LUZP2: variants seen among roughly 807,000 people sequenced by gnomAD.
LUZP2 encodes leucine zipper protein 2.
A neutral mutation model predicts 51.6 loss-of-function variants in LUZP2; 52 were observed. The observed-to-expected ratio is 1.01, with a 90% confidence interval of 0.81 to 1.27. LUZP2 has a LOEUF of 1.27. Among genes scored for constraint, LUZP2 ranks in the 50% most tolerant of loss-of-function variants. The pLI is 0.00. For missense variants in LUZP2, 436 were observed against 395.4 expected, an observed-to-expected ratio of 1.10 and a Z score of -0.87; for synonymous variants, 154 against 137.3, an observed-to-expected ratio of 1.12 and a Z score of -0.85.
At chr11:24,505,939 C>G (rs1205057346) in intron 1 of LUZP2, among the ~76,000 whole-genome samples, 1 of 150,694 alleles carries the variant, frequency 6.6e-6, no homozygotes, top group East Asian at 1.9e-4. Flanking sequence ...ATAATTGTTA[C>G]AATTATATTT....
intron 6 of LUZP2, among the ~76,000 whole-genome samples, chr11:24,909,759 C>T (rs1853568233): frequency 2.6e-5 from 4 of 152,138 alleles, no homozygotes; most frequent in Admixed American, 2.6e-4. Flanking sequence ...GTAAATTGCA[C>T]AGTCTCAGGT....
intron 1 of LUZP2, among the ~76,000 whole-genome samples, chr11:24,516,685 C>A (rs921586523): frequency 6.6e-6 from 1 of 152,104 alleles, no homozygotes; most frequent in South Asian, 2.1e-4. Context: ...AAATGAAGAT[C>A]AGCCCTGAAG....
intron 7 of LUZP2, among the ~76,000 whole-genome samples, chr11:24,925,115 T>C (rs1004615032): frequency 1.3e-5 from 2 of 152,168 alleles, no homozygotes; most frequent in African/African-American, 4.8e-5. Flanking sequence ...ATATATTTTG[T>C]GGTAAAATAT....
intron 1 of LUZP2, among the ~76,000 whole-genome samples, chr11:24,589,180 C>A (rs538115280): frequency 6.6e-6 from 1 of 152,228 alleles, no homozygotes; most frequent in South Asian, 2.1e-4. Flanking sequence ...ATTCCTAGAT[C>A]TCTAATTGAT....
chr11:25,016,729 A>C (rs1185276938), intron 9 of LUZP2, among the ~76,000 whole-genome samples: 1 of 152,120 alleles, frequency 6.6e-6, no homozygotes, highest in Non-Finnish European at 1.5e-5. Flanking sequence ...GTGCTGCTAT[A>C]AACGTACATA....
At chr11:24,711,203 A>G (rs889247519) in intron 1 of LUZP2, among the ~76,000 whole-genome samples, 3 of 152,146 alleles carry the variant, frequency 2.0e-5, no homozygotes, top group Non-Finnish European at 4.4e-5. Flanking sequence ...TAATCCCAGC[A>G]CTTTGGGAGG....
intron 5 of LUZP2, among the ~76,000 whole-genome samples, chr11:24,883,125 C>A (rs1012161700): frequency 6.6e-6 from 1 of 151,752 alleles, no homozygotes; most frequent in Non-Finnish European, 1.5e-5. Context: ...AGACAAGAAC[C>A]AAGGATTTCC....
chr11:24,947,265 G>C, intron 7 of LUZP2, among the ~76,000 whole-genome samples: 1 of 151,934 alleles, frequency 6.6e-6, no homozygotes, highest in East Asian at 1.9e-4. Flanking sequence ...AGTGGAAGTG[G>C]ATCATCACAA....
chr11:24,978,268 A>C (rs986404236), intron 8 of LUZP2, among the ~76,000 whole-genome samples: 2 of 151,776 alleles, frequency 1.3e-5, no homozygotes, highest in Non-Finnish European at 2.9e-5. Flanking sequence ...TATCCAACTT[A>C]TGCCAATTAT....
intron 1 of LUZP2, among the ~76,000 whole-genome samples, chr11:24,726,014 T>C (rs1387196242): frequency 6.6e-6 from 1 of 152,114 alleles, no homozygotes; most frequent in Non-Finnish European, 1.5e-5. Context: ...TACAAACAAC[T>C]TGATTTTGGA....
intron 8 of LUZP2, among the ~76,000 whole-genome samples, chr11:24,977,043 T>C (rs1277168503): frequency 6.6e-6 from 1 of 151,846 alleles, no homozygotes; most frequent in Non-Finnish European, 1.5e-5. Context: ...CATCAAATTG[T>C]TATAACCAGT....
chr11:24,834,802 G>A (rs1225411551), intron 5 of LUZP2, among the ~76,000 whole-genome samples: 2 of 152,144 alleles, frequency 1.3e-5, no homozygotes, highest in Non-Finnish European at 2.9e-5. Context: ...GTGTGAGATG[G>A]TATCTCATTG....
intron 1 of LUZP2, among the ~76,000 whole-genome samples, chr11:24,607,341 C>CTTTT (rs57741208): frequency 5.0e-4 from 32 of 63,406 alleles, no homozygotes; most frequent in African/African-American, 1.5e-3. Context: ...GATATTATGT[C>CTTTT]TTTTTTTTTT....
intron 9 of LUZP2, among the ~76,000 whole-genome samples, chr11:25,038,052 T>C (rs1166785636): frequency 1.3e-5 from 2 of 151,978 alleles, no homozygotes; most frequent in African/African-American, 2.4e-5. Context: ...GAGATATTCT[T>C]GGTATTGATT....
intron 1 of LUZP2, among the ~76,000 whole-genome samples, chr11:24,578,724 A>G (rs1407946834): frequency 6.6e-6 from 1 of 152,092 alleles, no homozygotes; most frequent in Admixed American, 6.6e-5. Flanking sequence ...AGTGGAAGCT[A>G]AATATCGGGT....
chr11:24,634,022 C>T (rs1854989827), intron 1 of LUZP2, among the ~76,000 whole-genome samples: 1 of 150,772 alleles, frequency 6.6e-6, no homozygotes, highest in South Asian at 2.1e-4. Context: ...ACTATTAAAG[C>T]AAATAAATGA....
rs773616957 is a variant in LUZP2, at chr11:24,603,732, C to T, written c.62+106427C>T. Reference sequence around the variant, plus strand: ...TTTACAAAATAATTTATTAGCAGAACATGTGGATAAGTATTGCTTCAATTA... The same window carrying T: ...TTTACAAAATAATTTATTAGCAGAATATGTGGATAAGTATTGCTTCAATTA... On this transcript the variant is annotated intron_variant, in intron 1 of 11. Coordinates refer to ENST00000336930, the MANE Select transcript of LUZP2 (RefSeq NM_001009909.4). Among the ~76,000 whole-genome samples the T allele has an allele frequency of 1.8e-4, 27 of 151,104 alleles. 1 individual carries two copies. Among genetic ancestry groups the T allele is most frequent in the Non-Finnish European group, 3.1e-4 (21 of 67,426 alleles).
intron 1 of LUZP2, among the ~76,000 whole-genome samples, chr11:24,537,712 A>T (rs1851222569): frequency 6.6e-6 from 1 of 151,928 alleles, no homozygotes; most frequent in Admixed American, 6.6e-5. Flanking sequence ...CTGTGAAACT[A>T]AAGTGAAAAG....
At chr11:25,033,425 A>G (rs1857757237) in intron 9 of LUZP2, among the ~76,000 whole-genome samples, 2 of 152,194 alleles carry the variant, frequency 1.3e-5, no homozygotes, top group South Asian at 2.1e-4. Context: ...AAGGATTAAA[A>G]AAGTCAACTT....
Sources: gnomAD v4.1 joint callset for allele counts (sites outside exome capture counted in the v4.1 genomes callset) on GRCh38, gnomAD v4.1.1 for gene constraint, MANE v1.5 for transcripts, NCBI Gene and HGNC (gene_info 2026-07-23, HGNC 2026-07-21) for gene names.